WWOX: variants seen among roughly 807,000 people sequenced by gnomAD.
WWOX encodes WW domain containing oxidoreductase.
WWOX carries 69 observed loss-of-function variants against 46.2 expected under a neutral mutation model. The ratio of observed to expected loss-of-function variants is 1.49; its 90% CI spans 1.23 to 1.82. WWOX has a LOEUF of 1.82. Among genes scored for constraint, WWOX ranks in the 40% most tolerant of loss-of-function variants. The probability of loss-of-function intolerance (pLI) is 0.00; values close to 1 mark genes in which losing one functional copy is unlikely to be tolerated. For synonymous variants in WWOX, 359 were observed against 202.6 expected, an observed-to-expected ratio of 1.77 and a Z score of -6.56; for missense variants, 919 against 542.6, an observed-to-expected ratio of 1.69 and a Z score of -6.89.
At chr16:79,078,740 A>G (rs1567534877) in intron 8 of WWOX, among the ~76,000 whole-genome samples, 2 of 152,236 alleles carry the variant, frequency 1.3e-5, no homozygotes, top group African/African-American at 4.8e-5. Context: ...GGACTCAACC[A>G]TGATGATTTC....
At chr16:78,211,367 A>G (rs1430541493) in intron 5 of WWOX, among the ~76,000 whole-genome samples, 1 of 152,166 alleles carries the variant, frequency 6.6e-6, no homozygotes, top group Non-Finnish European at 1.5e-5. Flanking sequence ...CTTGTACATC[A>G]AATACATGCT....
intron 5 of WWOX, among the ~76,000 whole-genome samples, chr16:78,277,814 T>G (rs2079607522): frequency 6.6e-6 from 1 of 152,128 alleles, no homozygotes; most frequent in Admixed American, 6.5e-5. Context: ...AAGGATACAT[T>G]TTGAAATCTG....
chr16:79,006,462 A>G (rs1241037850), intron 8 of WWOX, among the ~76,000 whole-genome samples: 1 of 152,014 alleles, frequency 6.6e-6, no homozygotes, highest in African/African-American at 2.4e-5. Context: ...AGCTGTAGAT[A>G]ACAAAAATTT....
intron 8 of WWOX, among the ~76,000 whole-genome samples, chr16:78,973,284 T>C (rs1332139019): frequency 6.6e-6 from 1 of 152,168 alleles, no homozygotes; most frequent in African/African-American, 2.4e-5. Context: ...AAGTCCGGGC[T>C]GTCATCCTGG....
intron 4 of WWOX, among the ~76,000 whole-genome samples, chr16:78,145,222 G>C (rs866107832): frequency 2.0e-5 from 3 of 152,106 alleles, no homozygotes; most frequent in Non-Finnish European, 4.4e-5. Context: ...GGGCAGAATA[G>C]GATAGGTGCA....
intron 8 of WWOX, among the ~76,000 whole-genome samples, chr16:78,673,509 C>T (rs1449178127): frequency 2.0e-5 from 3 of 152,336 alleles, no homozygotes; most frequent in East Asian, 1.9e-4. Flanking sequence ...AGACTAGTTA[C>T]ATCCCCAAGC....
chr16:78,547,744 G>T (rs1043912645), intron 8 of WWOX, among the ~76,000 whole-genome samples: 2 of 152,128 alleles, frequency 1.3e-5, no homozygotes, highest in African/African-American at 4.8e-5. Flanking sequence ...GAGGGGCAAA[G>T]GGTCTCTCTA....
chr16:78,299,401 GA>G (rs1179080449), intron 5 of WWOX, among the ~76,000 whole-genome samples: 1 of 152,106 alleles, frequency 6.6e-6, no homozygotes, highest in African/African-American at 2.4e-5. Flanking sequence ...AAACAACCAA[GA>G]ATAGTTGAGC....
At chr16:78,297,635 A>C (rs958379205) in intron 5 of WWOX, among the ~76,000 whole-genome samples, 19 of 152,184 alleles carry the variant, frequency 1.2e-4, no homozygotes, top group African/African-American at 4.3e-4. Flanking sequence ...TTCTTCCACC[A>C]AACATAGATG....
At chr16:78,680,734 G>A (rs952076230) in intron 8 of WWOX, among the ~76,000 whole-genome samples, 2 of 152,182 alleles carry the variant, frequency 1.3e-5, no homozygotes, top group Non-Finnish European at 2.9e-5. Context: ...ACGTTTCCGT[G>A]ACAGTAGAGT....
At chr16:78,672,289 C>T (rs1840106655) in intron 8 of WWOX, among the ~76,000 whole-genome samples, 1 of 152,174 alleles carries the variant, frequency 6.6e-6, no homozygotes, top group Non-Finnish European at 1.5e-5. Context: ...CATGCAAATG[C>T]AAGCAGGGGC....
intron 5 of WWOX, among the ~76,000 whole-genome samples, chr16:78,364,818 A>C (rs2151916116): frequency 6.6e-6 from 1 of 152,320 alleles, no homozygotes. Context: ...GTGGGAGAGC[A>C]GGAGGGAACA....
chr16:78,254,499 C>CTTTTTTTTTTT (rs1597405923), intron 5 of WWOX, among the ~76,000 whole-genome samples: 2 of 52,140 alleles, frequency 3.8e-5, no homozygotes, highest in African/African-American at 1.2e-4. Flanking sequence ...TCTTTTCTTT[C>CTTTTTTTTTTT]TTGTTTTTTT....
At chr16:78,908,986 C>G (rs2045039237) in intron 8 of WWOX, among the ~76,000 whole-genome samples, 1 of 152,196 alleles carries the variant, frequency 6.6e-6, no homozygotes, top group African/African-American at 2.4e-5. Flanking sequence ...CAAAGGCAGT[C>G]TAGTCCCCAG....
intron 8 of WWOX, among the ~76,000 whole-genome samples, chr16:79,127,120 TAGA>T (rs554780854): frequency 1.3e-3 from 198 of 152,222 alleles, no homozygotes; most frequent in African/African-American, 4.6e-3. Flanking sequence ...AAATCAAAAG[TAGA>T]AGATAAAAAC....
At chr16:79,022,423 T>A (rs566260292) in intron 8 of WWOX, among the ~76,000 whole-genome samples, 7 of 150,834 alleles carry the variant, frequency 4.6e-5, no homozygotes, top group Admixed American at 4.6e-4. Flanking sequence ...CATGCCCCAG[T>A]CGCTAGTAAA....
In WWOX at chr16:78,191,272, G is replaced by A. The variant is rs190850556; in HGVS notation, c.516+26983G>A. Among the ~76,000 whole-genome samples the A allele has an allele frequency of 5.3e-3, 809 of 152,320 alleles. 9 individuals are homozygous for A. Among genetic ancestry groups the A allele is most frequent in the African/African-American group, 0.019 (776 of 41,562 alleles). On this transcript the variant is annotated intron_variant, in intron 5 of 8. Coordinates refer to ENST00000566780, the MANE Select transcript of WWOX (RefSeq NM_016373.4). ...CTCCTCCACCTGGGCACCCAGCCTG[G>A]TGAACAGGGTGCAGGCTGGGATTTA...
chr16:78,995,052 C>T (rs1204138099), intron 8 of WWOX, among the ~76,000 whole-genome samples: 2 of 145,740 alleles, frequency 1.4e-5, no homozygotes, highest in Admixed American at 7.1e-5. Context: ...GATTCCCAGT[C>T]CCCCTGGTAA....
chr16:78,854,956 T>C (rs2052533599), intron 8 of WWOX, among the ~76,000 whole-genome samples: 1 of 152,118 alleles, frequency 6.6e-6, no homozygotes, highest in African/African-American at 2.4e-5. Context: ...TGTGTTTTAT[T>C]TTCTTAGTGA....
Sources: allele counts gnomAD v4.1 joint callset (sites outside exome capture counted in the v4.1 genomes callset), GRCh38; gene constraint gnomAD v4.1.1; transcripts MANE v1.5; gene names NCBI Gene and HGNC (gene_info 2026-07-23, HGNC 2026-07-21).